PRKCA: variants seen among roughly 807,000 people sequenced by gnomAD.
PRKCA encodes the protein protein kinase C alpha type.
A neutral mutation model predicts 87.0 loss-of-function variants in PRKCA; 27 were observed. That is an observed-to-expected ratio of 0.31 (90% CI 0.23 to 0.43). The LOEUF is 0.43. PRKCA is among the 20% of genes least tolerant of loss of function. PRKCA has a pLI of 1.00. For missense variants in PRKCA, 518 were observed against 852.3 expected (o/e 0.61, Z 4.88); for synonymous variants, 329 against 311.1 (o/e 1.06, Z -0.61).
At chr17:66,774,598 G>C in intron 14 of PRKCA, 2 of 985,548 alleles carry the variant, frequency 2.0e-6, no homozygotes, top group Non-Finnish European at 2.4e-6. Flanking sequence ...TGCAGCCTGG[G>C]CAACAGAGTG....
At chr17:66,393,351 A>G (rs1229251183) in intron 2 of PRKCA, among the ~76,000 whole-genome samples, 2 of 152,120 alleles carry the variant, frequency 1.3e-5, no homozygotes, top group Middle Eastern at 3.2e-3. Context: ...TGCAGACCCA[A>G]TCTGTGTCCC....
intron 8 of PRKCA, among the ~76,000 whole-genome samples, chr17:66,720,065 A>T (rs1973575782): frequency 6.6e-6 from 1 of 152,262 alleles, no homozygotes; most frequent in East Asian, 1.9e-4. Flanking sequence ...GTGCGTGCTC[A>T]TCCCAGTGGC....
chr17:66,519,060 A>G (rs942404182), intron 3 of PRKCA, among the ~76,000 whole-genome samples: 1 of 152,200 alleles, frequency 6.6e-6, no homozygotes, highest in Non-Finnish European at 1.5e-5. Flanking sequence ...CAGGGTCTTC[A>G]GTCATAGAAC....
At chr17:66,641,717 C>CT (rs534954912) in intron 4 of PRKCA, among the ~76,000 whole-genome samples, 9,254 of 142,094 alleles carry the variant, frequency 0.065, 349 homozygotes, top group Non-Finnish European at 0.087. Context: ...GGTGCTGTCA[C>CT]TTTTTTTTTT....
At chr17:66,495,525 G>GTGTTT (rs548468006) in intron 2 of PRKCA, among the ~76,000 whole-genome samples, 1 of 137,262 alleles carries the variant, frequency 7.3e-6, no homozygotes, top group African/African-American at 2.9e-5. Context: ...ATGGTGCAAA[G>GTGTTT]TATTTTATTT....
intron 2 of PRKCA, among the ~76,000 whole-genome samples, chr17:66,314,811 G>T (rs1455426118): frequency 6.6e-6 from 1 of 151,492 alleles, no homozygotes; most frequent in African/African-American, 2.4e-5. Context: ...AGGAAAACTG[G>T]TAGTTTTGAG....
At chr17:66,592,361 A>T (rs1462857090) in intron 3 of PRKCA, among the ~76,000 whole-genome samples, 1 of 151,258 alleles carries the variant, frequency 6.6e-6, no homozygotes, top group East Asian at 1.9e-4. Flanking sequence ...AAAAAAAAAA[A>T]GTTACCATTG....
intron 3 of PRKCA, among the ~76,000 whole-genome samples, chr17:66,587,895 G>GTATGTATA: frequency 1.2e-5 from 1 of 85,396 alleles, no homozygotes; most frequent in East Asian, 3.5e-4. Context: ...GTGTGTGTGT[G>GTATGTATA]TATATATATA....
intron 4 of PRKCA, among the ~76,000 whole-genome samples, chr17:66,642,768 G>A (rs560217615): frequency 3.9e-5 from 5 of 127,126 alleles, no homozygotes; most frequent in East Asian, 4.1e-4. Context: ...TTCAAGAAAC[G>A]CTGGGATTTC....
intron 2 of PRKCA, among the ~76,000 whole-genome samples, chr17:66,455,801 C>T (rs1318872626): frequency 6.6e-6 from 1 of 152,168 alleles, no homozygotes; most frequent in African/African-American, 2.4e-5. Context: ...ACGTTCATAT[C>T]AGCCTGTGCA....
At chr17:66,443,095 A>G (rs1913859462) in intron 2 of PRKCA, among the ~76,000 whole-genome samples, 1 of 152,126 alleles carries the variant, frequency 6.6e-6, no homozygotes, top group African/African-American at 2.4e-5. Flanking sequence ...ACCTTATTTT[A>G]TAGACAAACA....
chr17:66,482,098 C>CAAAAAAAAAAAAAAAAAAAAAAAA (rs58719328), intron 2 of PRKCA, among the ~76,000 whole-genome samples: 6 of 89,340 alleles, frequency 6.7e-5, no homozygotes, highest in Non-Finnish European at 1.0e-4. Context: ...AAGACTGTCT[C>CAAAAAAAAAAAAAAAAAAAAAAAA]AAAAAAAAAA....
chr17:66,477,039 A>T (rs889062308), intron 2 of PRKCA, among the ~76,000 whole-genome samples: 12 of 152,080 alleles, frequency 7.9e-5, no homozygotes, highest in African/African-American at 2.4e-4. Context: ...GCAGCTGGAG[A>T]ATAGGGGTGT....
chr17:66,696,499 A>G (rs771998649), intron 8 of PRKCA: 24 of 152,218 alleles, frequency 1.6e-4, no homozygotes, highest in Non-Finnish European at 2.2e-4. Context: ...TAAGTTGCTT[A>G]GACTAGTACC....
intron 3 of PRKCA, among the ~76,000 whole-genome samples, chr17:66,620,229 T>G (rs1457804709): frequency 6.6e-6 from 1 of 152,224 alleles, no homozygotes; most frequent in Non-Finnish European, 1.5e-5. Flanking sequence ...TGTTTAGCCC[T>G]TCATTGAACA....
Position 66,635,433 on chromosome 17 carries a change from A to C in PRKCA, c.289-5922A>C, listed in dbSNP as rs548877542. Among the ~76,000 whole-genome samples, 15 of 152,220 alleles carry C rather than the reference A, an allele frequency of 9.9e-5. No individual in the cohort carries two copies. In the South Asian group the frequency reaches 3.1e-3, roughly 32 times the overall value. On this transcript the variant is annotated intron_variant, in intron 3 of 16. Coordinates refer to ENST00000413366, the MANE Select transcript of PRKCA (RefSeq NM_002737.3). The stretch of plus-strand genomic sequence containing the variant: ...CCCTCATGGCCCAGGCTGGCGCCAC[A>C]TTTTGCCTGAGCTCTCATTCTGCCT...
intron 2 of PRKCA, among the ~76,000 whole-genome samples, chr17:66,383,560 A>G (rs1345233285): frequency 6.6e-6 from 1 of 152,208 alleles, no homozygotes; most frequent in Non-Finnish European, 1.5e-5. Flanking sequence ...GAGTTATTCT[A>G]GGTCAGTGGA....
At chr17:66,757,343 T>C (rs1974571869) in intron 13 of PRKCA, among the ~76,000 whole-genome samples, 2 of 152,034 alleles carry the variant, frequency 1.3e-5, no homozygotes, top group Admixed American at 6.6e-5. Context: ...TTTGAAGCAA[T>C]TGGGACAGAG....
chr17:66,522,433 A>G (rs571278914), intron 3 of PRKCA, among the ~76,000 whole-genome samples: 1 of 152,324 alleles, frequency 6.6e-6, no homozygotes, highest in African/African-American at 2.4e-5. Flanking sequence ...AGGAGAGAAT[A>G]GGCAGGGGGA....
Sources: gnomAD v4.1 joint callset for allele counts (sites outside exome capture counted in the v4.1 genomes callset) on GRCh38, gnomAD v4.1.1 for gene constraint, MANE v1.5 for transcripts, NCBI Gene and HGNC (gene_info 2026-07-23, HGNC 2026-07-21) for gene names.